The following GRM7 variants were observed in gnomAD, a reference collection of about 807,000 sequenced individuals.
GRM7 encodes the protein metabotropic glutamate receptor 7.
GRM7 carries 35 observed loss-of-function variants against 84.5 expected under a neutral mutation model. The observed-to-expected ratio is 0.41, with a 90% CI of 0.32 to 0.55. The LOEUF (loss-of-function observed/expected upper bound fraction) is 0.55. GRM7 is among the 20% of genes least tolerant of loss of function. The pLI, the probability that GRM7 is intolerant of heterozygous loss-of-function variation, is 0.19. For missense variants in GRM7, 1,003 were observed against 1,194.6 expected, an observed-to-expected ratio of 0.84 and a Z score of 2.36; for synonymous variants, 487 against 455.1, an observed-to-expected ratio of 1.07 and a Z score of -0.89.
chr3:7,139,712 A>G (rs1239606812), intron 1 of GRM7, among the ~76,000 whole-genome samples: 3 of 152,036 alleles, frequency 2.0e-5, no homozygotes, highest in Non-Finnish European at 4.4e-5. Context: ...ATAGGTGATG[A>G]GTCAGCAGAG....
At chr3:6,982,987 T>A (rs1220653666) in intron 1 of GRM7, among the ~76,000 whole-genome samples, 1 of 152,194 alleles carries the variant, frequency 6.6e-6, no homozygotes, top group Non-Finnish European at 1.5e-5. Flanking sequence ...TTTTTTAGAG[T>A]AAATGCCAAA....
intron 2 of GRM7, among the ~76,000 whole-genome samples, chr3:7,176,050 T>G (rs1695134585): frequency 6.6e-6 from 1 of 151,882 alleles, no homozygotes; most frequent in East Asian, 1.9e-4. Context: ...TTTTGACTAC[T>G]TTATCCAGTT....
intron 1 of GRM7, among the ~76,000 whole-genome samples, chr3:6,910,366 C>A: frequency 6.6e-6 from 1 of 152,248 alleles, no homozygotes; most frequent in East Asian, 1.9e-4. Flanking sequence ...GCAATTATTT[C>A]TTAACAGATC....
chr3:7,390,437 T>C (rs1387680520), intron 4 of GRM7, among the ~76,000 whole-genome samples: 3 of 152,156 alleles, frequency 2.0e-5, no homozygotes, highest in Non-Finnish European at 4.4e-5. Context: ...TCCTCACATA[T>C]TGTTTCTAAG....
In GRM7 at chr3:7,645,546, TAAAAAAA is replaced by T. The variant is rs71043684; in HGVS notation, c.2452-34484_2452-34478del. Among the ~76,000 whole-genome samples the T allele has an allele frequency of 2.3e-4, 20 of 87,782 alleles. 1 individual carries two copies. The highest frequency in any genetic ancestry group is 1.4e-3 in the South Asian group (3 of 2,218). 57.6% of individuals were successfully genotyped at this position (87,782 alleles called of 152,430 possible). On this transcript the variant is annotated intron_variant, in intron 8 of 9. Coordinates refer to ENST00000357716, the MANE Select transcript of GRM7 (RefSeq NM_000844.4). ...TGGGTGACAGAGCAAGACTCCATCT[TAAAAAAA>T]AAAAAAAAAAAAAAAAAAGAAAAGA... is the stretch of plus-strand genomic sequence containing the variant.
intron 2 of GRM7, among the ~76,000 whole-genome samples, chr3:7,296,014 T>C (rs1699802170): frequency 6.6e-6 from 1 of 152,112 alleles, no homozygotes; most frequent in South Asian, 2.1e-4. Context: ...GTAGGCTTTT[T>C]ATAGATGCCT....
At chr3:7,347,736 A>G (rs895722509) in intron 4 of GRM7, among the ~76,000 whole-genome samples, 1 of 152,018 alleles carries the variant, frequency 6.6e-6, no homozygotes, top group African/African-American at 2.4e-5. Flanking sequence ...TTCCATGTTC[A>G]CCATTTATCT....
chr3:7,211,180 T>C (rs1252715921), intron 2 of GRM7, among the ~76,000 whole-genome samples: 1 of 152,228 alleles, frequency 6.6e-6, no homozygotes, highest in Non-Finnish European at 1.5e-5. Context: ...TTGATTAAAA[T>C]ATATGTATGA....
chr3:7,682,848 A>ATGCGGAATGCTTTG (rs1265940581), intron 9 of GRM7, among the ~76,000 whole-genome samples: 1 of 152,244 alleles, frequency 6.6e-6, no homozygotes, highest in African/African-American at 2.4e-5. Flanking sequence ...AATAGGCATT[A>ATGCGGAATGCTTTG]TGCGGAATGC....
rs567365691 is a variant in GRM7 at position 7,646,188 on chromosome 3, GTTA to G, written c.2452-33843_2452-33841del. 3.6e-4 allele frequency among the ~76,000 whole-genome samples: 55 copies of G among 151,606 alleles called. No individual in the cohort carries two copies. In the East Asian group the frequency reaches 4.9e-3, roughly 13 times the overall value. Reference sequence around the variant, plus strand: ...GGGTGGACCACAGTCAATTATTATTGTTATTATTATTATTATTATTTGAGATGG... The same window carrying G: ...GGGTGGACCACAGTCAATTATTATTGTTATTATTATTATTATTTGAGATGG... On this transcript the variant is annotated intron_variant, in intron 8 of 9. Coordinates refer to ENST00000357716, the MANE Select transcript of GRM7 (RefSeq NM_000844.4).
At chr3:7,605,284 C>A (rs1428426643) in intron 8 of GRM7, among the ~76,000 whole-genome samples, 1 of 152,010 alleles carries the variant, frequency 6.6e-6, no homozygotes, top group Non-Finnish European at 1.5e-5. Flanking sequence ...TTATTATTGG[C>A]AATTTGCAAA....
chr3:7,600,646 T>TAACA (rs1403618532), intron 8 of GRM7, among the ~76,000 whole-genome samples: 2 of 152,180 alleles, frequency 1.3e-5, no homozygotes, highest in East Asian at 3.8e-4. Context: ...AATGGATTTT[T>TAACA]AACAGTTCTT....
At chr3:7,736,126 T>G (rs1375039943) in intron 9 of GRM7, among the ~76,000 whole-genome samples, 3 of 152,212 alleles carry the variant, frequency 2.0e-5, no homozygotes, top group Non-Finnish European at 4.4e-5. Context: ...ACTTCTCTAG[T>G]TGATGAGGTT....
chr3:7,679,562 C>T (rs1174143477), intron 8 of GRM7, among the ~76,000 whole-genome samples: 5 of 152,118 alleles, frequency 3.3e-5, no homozygotes, highest in South Asian at 2.1e-4. Flanking sequence ...AGGGAAAAGG[C>T]GTGCCTTTCT....
At chr3:7,297,443 G>A (rs935309414) in intron 2 of GRM7, among the ~76,000 whole-genome samples, 1 of 152,078 alleles carries the variant, frequency 6.6e-6, no homozygotes, top group Non-Finnish European at 1.5e-5. Flanking sequence ...TGCTTGAAAA[G>A]AATAAATGCA....
intron 5 of GRM7, among the ~76,000 whole-genome samples, chr3:7,437,804 G>T (rs1697121715): frequency 6.6e-6 from 1 of 152,032 alleles, no homozygotes; most frequent in Non-Finnish European, 1.5e-5. Flanking sequence ...CCTAAGGCTA[G>T]GCTAGGGGCA....
At chr3:6,966,672 A>C (rs1199498395) in intron 1 of GRM7, among the ~76,000 whole-genome samples, 1 of 152,228 alleles carries the variant, frequency 6.6e-6, no homozygotes, top group Non-Finnish European at 1.5e-5. Flanking sequence ...AGAAAGTTCC[A>C]AATGTTGCCA....
chr3:7,117,919 G>A (rs1235996445), intron 1 of GRM7, among the ~76,000 whole-genome samples: 7 of 152,074 alleles, frequency 4.6e-5, no homozygotes, highest in South Asian at 2.1e-4. Flanking sequence ...GCCATCTGAA[G>A]AACTATAGGA....
At chr3:7,104,149 CTCTCTT>C (rs768241578) in intron 1 of GRM7, among the ~76,000 whole-genome samples, 24 of 151,592 alleles carry the variant, frequency 1.6e-4, no homozygotes, top group African/African-American at 2.4e-4. Flanking sequence ...ATTTCTCTCT[CTCTCTT>C]TCTCTTTCTC....
Sources: gnomAD v4.1 joint callset for allele counts (sites outside exome capture counted in the v4.1 genomes callset) on GRCh38, gnomAD v4.1.1 for gene constraint, MANE v1.5 for transcripts, NCBI Gene and HGNC (gene_info 2026-07-23, HGNC 2026-07-21) for gene names.